CDKN2A: variants seen among roughly 807,000 people sequenced by gnomAD.
CDKN2A encodes cyclin-dependent kinase inhibitor 2A.
CDKN2A carries 3 observed loss-of-function variants against 11.1 expected under a neutral mutation model. That is an observed-to-expected ratio of 0.27 (90% confidence interval 0.12 to 0.70). The LOEUF is 0.70. Ranked by LOEUF, CDKN2A falls within the 30% of genes least tolerant of loss-of-function variation. The pLI, the probability that CDKN2A is intolerant of heterozygous loss-of-function variation, is 0.77. For missense variants in CDKN2A, 265 were observed against 233.6 expected, an observed-to-expected ratio of 1.13 and a Z score of -0.88; for synonymous variants, 122 against 108.1, an observed-to-expected ratio of 1.13 and a Z score of -0.80.
chr9:21,974,332 C>A lies in CDKN2A; in HGVS notation c.150+346G>T. On this transcript the variant is annotated intron_variant, in intron 1 of 2. Transcript: ENST00000304494. This position sits in a 1 kb window ranked among gnomAD's most constrained non-coding sequence, Gnocchi z 5.2. ...AATTGGAGGCTAAGTAGTCCCAGCA[C>A]ATCTTACATTTCTTTAAGACTCCCT... The A allele has an allele frequency of 1.5e-6, 2 of 1,303,810 alleles. No homozygotes were observed. Among genetic ancestry groups the A allele is most frequent in the South Asian group, 1.4e-5 (1 of 71,560 alleles). 80.8% of individuals were successfully genotyped at this position (1,303,810 alleles called of 1,614,324 possible).
In CDKN2A at chr9:21,968,656, C is replaced by T. The variant is rs1228592758; in HGVS notation, c.458-414G>A. On this transcript the variant is annotated intron_variant, in intron 2 of 2. Coordinates refer to ENST00000304494, the MANE Select transcript of CDKN2A (RefSeq NM_000077.5). The surrounding 1 kb of genome is among the most constrained non-coding windows in gnomAD (Gnocchi z 4.7). ...TCTTTTGCACCTGGTGCGGAGTGAG[C>T]CAGCCAGCTTGCGATAACCAAAGGG... The T allele has an allele frequency of 3.9e-6, 6 of 1,534,078 alleles. No individual in the cohort carries two copies. In the African/African-American group the frequency reaches 4.1e-5, roughly 10 times the overall value.
intron 2 of CDKN2A, among the ~76,000 whole-genome samples, chr9:21,981,433 A>C (rs1390587847): frequency 1.3e-5 from 2 of 151,860 alleles, no homozygotes; most frequent in Non-Finnish European, 2.9e-5. Context: ...CCTGTAATGG[A>C]GCTCCCAGGT....
Position 21,988,575 on chromosome 9 carries a change from A to C in CDKN2A, c.-4+5307T>G, listed in dbSNP as rs868718151. On this transcript the variant is annotated intron_variant, in intron 2 of 3. Coordinates refer to the CDKN2A transcript ENST00000494262. This position sits in a 1 kb window ranked among gnomAD's most constrained non-coding sequence, Gnocchi z 4.1. ...AATGCTAATTGGACATAAATATGAG[A>C]ACAATAGACATTGGGGACTACTAGA... Among the ~76,000 whole-genome samples the C allele has an allele frequency of 6.6e-6, 1 of 152,114 alleles. No individual in the cohort carries two copies. The highest frequency in any genetic ancestry group is 2.4e-5 in the African/African-American group (1 of 41,392).
chr9:21,990,649 A>AGAGAGAGAGAGAGAGAGG (rs1396090431), intron 2 of CDKN2A, among the ~76,000 whole-genome samples: 5 of 150,342 alleles, frequency 3.3e-5, no homozygotes, highest in East Asian at 1.9e-4. Context: ...AGAGAGAGAG[A>AGAGAGAGAGAGAGAGAGG]GAAACTGTTT....
chr9:21,975,001 T>C (rs1819979123), upstream of CDKN2A: 1 of 1,386,088 alleles, frequency 7.2e-7, no homozygotes, highest in Admixed American at 3.5e-5. Flanking sequence ...GCGGTATCTT[T>C]CCAGGCAAGG....
chr9:21,993,585 CA>C (rs1296223352), intron 2 of CDKN2A, among the ~76,000 whole-genome samples: 1 of 152,162 alleles, frequency 6.6e-6, no homozygotes, highest in Non-Finnish European at 1.5e-5. Context: ...TTGCTCCTCG[CA>C]GCAGTAACTG....
chr9:21,994,570 G>A, intron 1 of CDKN2A: 1 of 1,038,006 alleles, frequency 9.6e-7, no homozygotes, highest in Middle Eastern at 3.3e-4. Context: ...GAACGGCTCT[G>A]AGCCCTGCGC....
Position 21,968,451 on chromosome 9 carries a change from G to A in CDKN2A, c.458-209C>T, listed in dbSNP as rs773695859. On this transcript the variant is annotated intron_variant, in intron 2 of 2. Transcript: ENST00000304494. The surrounding 1 kb of genome is among the most constrained non-coding windows in gnomAD (Gnocchi z 4.7). ...GTCCACTGCCCGCCTGGCTGCTCCA[G>A]GCGCGCCGACCGCTCAAGCGCTCCA... 145 of 1,488,988 alleles carry A rather than the reference G, an allele frequency of 9.7e-5. No homozygotes were observed. The highest frequency in any genetic ancestry group is 8.4e-4 in the Admixed American group (39 of 46,600). The allele number at this position is 1,488,988 out of a possible 1,614,324, so 92.2% of individuals were successfully genotyped here.
chr9:21,973,661 T>A (rs1346943887), intron 1 of CDKN2A, among the ~76,000 whole-genome samples: 1 of 152,146 alleles, frequency 6.6e-6, no homozygotes, highest in East Asian at 1.9e-4. Flanking sequence ...AATGAGGAAT[T>A]GAAAACTCTT....
chr9:21,985,801 C>G (rs1302081494), intron 2 of CDKN2A, among the ~76,000 whole-genome samples: 1 of 151,904 alleles, frequency 6.6e-6, no homozygotes, highest in East Asian at 1.9e-4. Context: ...CAAATTTACA[C>G]TGATTTTACC....
At chr9:21,989,065 T>G (rs769743108) in intron 2 of CDKN2A, among the ~76,000 whole-genome samples, 8 of 152,208 alleles carry the variant, frequency 5.3e-5, no homozygotes, top group Non-Finnish European at 1.0e-4. Flanking sequence ...TTATATGGCT[T>G]CGTACAAGAG....
At chr9:21,971,575 AT>A (rs59981968) in intron 1 of CDKN2A, among the ~76,000 whole-genome samples, 31,446 of 111,346 alleles carry the variant, frequency 0.28, 4,521 homozygotes, top group East Asian at 0.61. Context: ...AGGCCTGGAG[AT>A]TTTTTTTTTT....
At chr9:21,972,854 G>T (rs991298696) in intron 1 of CDKN2A, among the ~76,000 whole-genome samples, 16 of 152,106 alleles carry the variant, frequency 1.1e-4, no homozygotes, top group Admixed American at 3.9e-4. Context: ...ACTGTTATTT[G>T]TTATATTAGT....
Position 21,971,073 on chromosome 9 carries a change from C to A in CDKN2A, c.286G>T (p.Val96Leu). The A allele has an allele frequency of 6.2e-7, 1 of 1,605,632 alleles. No individual in the cohort carries two copies. Among genetic ancestry groups the A allele is most frequent in the East Asian group, 2.2e-5 (1 of 44,864 alleles). The change falls in exon 2 of 3, where the codon GTG becomes TTG. Residue 96 changes from valine to leucine, a missense_variant. By Grantham distance (32) the Val-to-Leu change is conservative. Transcript: ENST00000304494. ...AREGFLDTLV[V>L]LHRAGARLDV... Reference sequence around the variant, plus strand: ...AGCCGCGCCCCGGCCCGGTGCAGCACCACCAGCGTGTCCAGGAAGCCCTCC... The same window carrying A: ...AGCCGCGCCCCGGCCCGGTGCAGCAACACCAGCGTGTCCAGGAAGCCCTCC...
At chr9:21,989,422 T>C (rs1030912306) in intron 2 of CDKN2A, 5 of 152,006 alleles carry the variant, frequency 3.3e-5, no homozygotes, top group Non-Finnish European at 5.9e-5. Context: ...AAAGCTGCAA[T>C]ATAAGAAGAA....
upstream of CDKN2A, chr9:21,974,864 T>C (rs1232467353): frequency 6.7e-7 from 1 of 1,498,112 alleles, no homozygotes; most frequent in South Asian, 1.3e-5. The surrounding 1 kb of genome is among the most constrained non-coding windows in gnomAD (Gnocchi z 5.2). Flanking sequence ...TCTCCCCCTC[T>C]CCGCAGCCGC....
Position 21,968,899 on chromosome 9 carries a change from A to G in CDKN2A, c.458-657T>C. On this transcript the variant is annotated intron_variant, in intron 2 of 2. Transcript: ENST00000304494. The surrounding 1 kb of genome is among the most constrained non-coding windows in gnomAD (Gnocchi z 4.7). Reference sequence around the variant, plus strand: ...GCAGCATTTACACTTGAGAGTCTCAAGATTATTTTATTCCTGAGGGAGCAT... The same window carrying G: ...GCAGCATTTACACTTGAGAGTCTCAGGATTATTTTATTCCTGAGGGAGCAT... 1 of 892,808 alleles carries G rather than the reference A, an allele frequency of 1.1e-6. No homozygotes were observed. The highest frequency in any genetic ancestry group is 1.5e-5 in the South Asian group (1 of 68,738). The allele number at this position is 892,808 out of a possible 1,614,324, so 55.3% of individuals were successfully genotyped here. A position where few individuals can be genotyped will look rare whatever the true frequency, so the allele number is the denominator to read the frequency against.
chr9:21,979,010 A>G (rs1160664550), upstream of CDKN2A, among the ~76,000 whole-genome samples: 1 of 152,236 alleles, frequency 6.6e-6, no homozygotes, highest in Non-Finnish European at 1.5e-5. Context: ...AAAGCACAGA[A>G]TGATACAAGA....
intron 2 of CDKN2A, among the ~76,000 whole-genome samples, chr9:21,990,212 CAGA>C: frequency 6.6e-6 from 1 of 152,040 alleles, no homozygotes; most frequent in African/African-American, 2.4e-5. Context: ...GTGCTGTGAC[CAGA>C]GGCCTAACAC....
Sources: gnomAD v4.1 joint callset for allele counts (sites outside exome capture counted in the v4.1 genomes callset) on GRCh38, gnomAD v4.1.1 for gene constraint, Gnocchi (gnomAD v3.1) non-coding constraint, MANE v1.5 for transcripts, NCBI Gene and HGNC (gene_info 2026-07-23, HGNC 2026-07-21) for gene names.